Variants in NCAPG observed in about 807,000 individuals in gnomAD.
NCAPG encodes non-SMC condensin I complex subunit G, also known as condensin complex subunit 3.
A neutral mutation model predicts 113.1 loss-of-function variants in NCAPG; 69 were observed. The observed-to-expected ratio is 0.61, with a 90% CI of 0.50 to 0.75. The LOEUF (loss-of-function observed/expected upper bound fraction) is 0.75, where lower values mean the gene tolerates loss of function less well. Ranked by LOEUF, NCAPG falls within the 30% of genes least tolerant of loss-of-function variation. The probability of loss-of-function intolerance (pLI) is 0.00; values close to 1 mark genes in which losing one functional copy is unlikely to be tolerated. For missense variants in NCAPG, 1,058 were observed against 1,177.0 expected, an observed-to-expected ratio of 0.90 and a Z score of 1.48; for synonymous variants, 370 against 415.8, an observed-to-expected ratio of 0.89 and a Z score of 1.34.
chr4:17,820,505 G>A (rs779006721), intron 7 of NCAPG, among the ~76,000 whole-genome samples: 2 of 152,084 alleles, frequency 1.3e-5, no homozygotes, highest in Non-Finnish European at 2.9e-5. Flanking sequence ...GGGAGGCTGA[G>A]GTAGGAGAAT....
intron 7 of NCAPG, among the ~76,000 whole-genome samples, chr4:17,822,190 CTTT>C (rs1159844034): frequency 1.5e-4 from 17 of 111,756 alleles, no homozygotes; most frequent in African/African-American, 5.0e-4. Context: ...AAGATTAAAT[CTTT>C]TTTTTTTTTT....
chr4:17,819,072 T>C (rs1721338537), intron 7 of NCAPG, among the ~76,000 whole-genome samples: 1 of 152,180 alleles, frequency 6.6e-6, no homozygotes, highest in Non-Finnish European at 1.5e-5. Flanking sequence ...TCTTTAAAAA[T>C]ATAACACTGT....
intron 19 of NCAPG, chr4:17,841,306 C>T (rs1242081106): frequency 6.6e-6 from 1 of 151,934 alleles, no homozygotes; most frequent in Admixed American, 6.6e-5. Context: ...CTAATAATCC[C>T]ACCCATGAGC....
intron 13 of NCAPG, among the ~76,000 whole-genome samples, chr4:17,833,604 A>G (rs1420755487): frequency 6.6e-6 from 1 of 151,300 alleles, no homozygotes; most frequent in Non-Finnish European, 1.5e-5. Context: ...AACTTTCACT[A>G]TCATACTTAA....
intron 11 of NCAPG, 149 bp from the exon 12 acceptor site, chr4:17,828,129 T>C (rs894297197): frequency 2.3e-6 from 1 of 430,390 alleles, no homozygotes; most frequent in Non-Finnish European, 4.0e-6. Flanking sequence ...ATCCTGCCTC[T>C]ACCATTTACT....
At chr4:17,822,429 G>T (rs1427777098) in intron 7 of NCAPG, among the ~76,000 whole-genome samples, 1 of 151,760 alleles carries the variant, frequency 6.6e-6, no homozygotes, top group African/African-American at 2.4e-5. Context: ...TGACCTTGTG[G>T]TGCACCTGCC....
At position 17,840,135 on chromosome 4, in the gene NCAPG, A is replaced by G; in HGVS notation, c.2693A>G (p.Asn898Ser). 1 of 1,612,396 alleles carries G rather than the reference A, an allele frequency of 6.2e-7. No homozygotes were observed. The highest frequency in any genetic ancestry group is 8.5e-7 in the Non-Finnish European group (1 of 1,179,200). ...EKIKIQLEKGNKEFGDQAEAA... is the reference protein window; with the variant it reads ...EKIKIQLEKGSKEFGDQAEAA... Reference sequence around the variant, plus strand: ...ATCAAGATTCAGTTAGAAAAAGGAAATAAAGAATTTGGTGACCAAGCTGAA... The same window carrying G: ...ATCAAGATTCAGTTAGAAAAAGGAAGTAAAGAATTTGGTGACCAAGCTGAA... Residue 898 changes from asparagine to serine, a missense_variant, in exon 18 of 21, where the codon AAT becomes AGT. Coordinates refer to ENST00000251496, the MANE Select transcript of NCAPG (RefSeq NM_022346.5).
Position 17,834,318 on chromosome 4 carries a change from T to C in NCAPG, c.1904T>C (p.Val635Ala), listed in dbSNP as rs146806366. 4 of 1,591,326 alleles carry C rather than the reference T, an allele frequency of 2.5e-6. No homozygotes were observed. The highest frequency in any genetic ancestry group is 2.6e-6 in the Non-Finnish European group (3 of 1,169,452). Residue 635 changes from valine to alanine, a missense_variant, in exon 14 of 21, where the codon GTC (valine) becomes GCC (alanine). Val to Ala is a moderately conservative substitution (Grantham distance 64). Transcript: ENST00000251496. Reference sequence around the variant, plus strand: ...ATTTAGGTTTTGCAAATTGATGATGTCACAATAAAAATAAGTGCTTTAAAG... The same window carrying C: ...ATTTAGGTTTTGCAAATTGATGATGCCACAATAAAAATAAGTGCTTTAAAG... ...LLLQVLQIDD[V>A]TIKISALKAI...
rs141716973 is a variant in NCAPG at position 17,812,954 on chromosome 4, T to C, written c.353T>C (p.Val118Ala). ...EANSNAVRFR[V>A]CLLINKLLGS... ...AACAGCAATGCAGTGAGATTTAGAG[T>C]GTGCCTGCTCATAAACAAGCTTTTG... Residue 118 changes from valine (V) to alanine (A), a missense_variant, in exon 3 of 21, where the codon GTG becomes GCG. Val to Ala is a moderately conservative substitution (Grantham distance 64, BLOSUM62 0). Transcript: ENST00000251496. 3.1e-6 allele frequency: 5 copies of C among 1,613,898 alleles called. No individual in the cohort carries two copies. The African/African-American group carries it at 6.7e-5, about 22-fold the overall frequency.
Position 17,815,363 on chromosome 4 carries a change from GATAAACAACTTT to G in NCAPG, c.775+9_775+20del. ...AAGGTCTTAATGACAGATCAGGTAA[GATAAACAACTTT>G]ATATATACAAAACTTTAGTAGATTT... On this transcript the variant is annotated splice_donor_region_variant and intron_variant, in intron 5 of 20. Coordinates refer to ENST00000251496, the MANE Select transcript of NCAPG (RefSeq NM_022346.5). The G allele has an allele frequency of 6.3e-7, 1 of 1,576,894 alleles. No individual in the cohort carries two copies. Among genetic ancestry groups the G allele is most frequent in the South Asian group, 1.2e-5 (1 of 85,020 alleles).
rs1721620781 is a variant in NCAPG at position 17,825,377 on chromosome 4, C to T, written c.1474-5C>T. The T allele has an allele frequency of 1.3e-6, 2 of 1,579,316 alleles. No individual in the cohort carries two copies. The highest frequency in any genetic ancestry group is 4.1e-5 in the Admixed American group (2 of 48,782). ...AGTGTTGAAACAATTTATATCTTCC[C>T]TTAGATGGCTGAAATAAAAGTTAAG... On this transcript the variant is annotated splice_region_variant and splice_polypyrimidine_tract_variant and intron_variant, in intron 10 of 20. Coordinates refer to ENST00000251496, the MANE Select transcript of NCAPG (RefSeq NM_022346.5).
intron 7 of NCAPG, 42 bp from the exon 8 acceptor site, chr4:17,822,941 G>A: frequency 1.3e-6 from 2 of 1,510,246 alleles, no homozygotes; most frequent in Non-Finnish European, 1.8e-6. Context: ...CTTGTTTGAT[G>A]TTTCTTAAAA....
chr4:17,843,552 C>T lies in NCAPG; in HGVS notation c.*127C>T. The stretch of plus-strand genomic sequence containing the variant: ...CTGAAGATTTTCTGCTGTGCGCTTC[C>T]ACGTTACTTTGGCCTGTATTAAAGC... On this transcript the variant is annotated 3_prime_UTR_variant, in exon 21 of 21. Coordinates refer to ENST00000251496, the MANE Select transcript of NCAPG (RefSeq NM_022346.5). 1.9e-6 allele frequency: 2 copies of T among 1,066,746 alleles called. No individual in the cohort carries two copies. Among genetic ancestry groups the T allele is most frequent in the Admixed American group, 4.7e-5 (2 of 42,106 alleles). The allele number at this position is 1,066,746 out of a possible 1,614,324, so 66.1% of individuals were successfully genotyped here. A position where few individuals can be genotyped will look rare whatever the true frequency, so the allele number is the denominator to read the frequency against.
chr4:17,837,412 T>C (rs1158382343), intron 15 of NCAPG, 72 bp downstream of exon 15: 3 of 1,379,686 alleles, frequency 2.2e-6, no homozygotes, highest in Non-Finnish European at 3.0e-6. Flanking sequence ...ATTATATCTA[T>C]AATGATATTT....
chr4:17,841,961 CAG>C (rs1722454066), intron 19 of NCAPG: 2 of 177,710 alleles, frequency 1.1e-5, no homozygotes, highest in South Asian at 2.5e-4. Context: ...TGAGTCTCCA[CAG>C]ACTTTGTGCT....
intron 12 of NCAPG, among the ~76,000 whole-genome samples, chr4:17,830,408 G>A (rs1721815913): frequency 6.6e-6 from 1 of 151,172 alleles, no homozygotes; most frequent in Admixed American, 6.6e-5. Flanking sequence ...AAAAAGAAAA[G>A]AAAAAAGAAA....
At chr4:17,819,336 C>T (rs1484960992) in intron 7 of NCAPG, among the ~76,000 whole-genome samples, 2 of 151,842 alleles carry the variant, frequency 1.3e-5, no homozygotes, top group South Asian at 2.1e-4. Flanking sequence ...TAAGTTGCTA[C>T]ACCAAAGGAT....
At chr4:17,815,164 G>T in intron 4 of NCAPG, 110 bp from the exon 5 acceptor site, 2 of 1,235,312 alleles carry the variant, frequency 1.6e-6, no homozygotes, top group East Asian at 2.4e-5. Flanking sequence ...TATGTTACCA[G>T]GTATTAATTT....
chr4:17,834,125 AT>A (rs1217272846), intron 13 of NCAPG, among the ~76,000 whole-genome samples, 173 bp from the exon 14 acceptor site: 4 of 152,168 alleles, frequency 2.6e-5, no homozygotes, highest in Non-Finnish European at 5.9e-5. Flanking sequence ...TAAAAATAAC[AT>A]TTTTTTAAAT....
Sources: allele counts gnomAD v4.1 joint callset (sites outside exome capture counted in the v4.1 genomes callset), GRCh38; gene constraint gnomAD v4.1.1; transcripts MANE v1.5; gene names NCBI Gene and HGNC (gene_info 2026-07-23, HGNC 2026-07-21).